CCDC152: variants seen among roughly 807,000 people sequenced by gnomAD.
CCDC152 encodes coiled-coil domain-containing protein 152.
CCDC152 carries 37 observed loss-of-function variants against 38.1 expected under a neutral mutation model. That is an observed-to-expected ratio of 0.97 (90% CI 0.75 to 1.28). The LOEUF is 1.28. Among genes scored for constraint, CCDC152 ranks in the 50% most tolerant of loss-of-function variants. The pLI, the probability that CCDC152 is intolerant of heterozygous loss-of-function variation, is 0.00. For missense variants in CCDC152, 259 were observed against 292.1 expected, an observed-to-expected ratio of 0.89 and a Z score of 0.83; for synonymous variants, 83 against 87.1, an observed-to-expected ratio of 0.95 and a Z score of 0.26.
At chr5:42,795,918 T>G (rs1020297479) in intron 6 of CCDC152, among the ~76,000 whole-genome samples, 19 of 151,402 alleles carry the variant, frequency 1.3e-4, no homozygotes, top group Non-Finnish European at 1.6e-4. Context: ...CCATAAAAAA[T>G]GATGAGTTCA....
chr5:42,760,963 G>A (rs928146991), intron 2 of CCDC152, among the ~76,000 whole-genome samples: 1 of 152,090 alleles, frequency 6.6e-6, no homozygotes, highest in African/African-American at 2.4e-5. Context: ...GGTGATGATG[G>A]TATTGTGGCC....
rs2910853 is a variant in CCDC152 at position 42,784,184 on chromosome 5, G to A, written c.430+608G>A. On this transcript the variant is annotated intron_variant, in intron 6 of 8. Coordinates refer to ENST00000361970, the MANE Select transcript of CCDC152 (RefSeq NM_001134848.2). ...AATCTTTGTAATGTTTTCCATAGGG[G>A]TGAAACTAATTTACATTCCCATTAA... Among the ~76,000 whole-genome samples the A allele has an allele frequency of 2.1e-3, 318 of 152,188 alleles. 2 individuals carry two copies. The highest frequency in any genetic ancestry group is 7.3e-3 in the African/African-American group (301 of 41,516).
intron 3 of CCDC152, among the ~76,000 whole-genome samples, chr5:42,769,164 A>C: frequency 6.6e-6 from 1 of 151,784 alleles, no homozygotes. Flanking sequence ...CAGGAGAATT[A>C]CTTGAGCCTG....
At position 42,798,832 on chromosome 5, in the gene CCDC152, C is replaced by A. The variant is rs28918071; in HGVS notation, c.559-543C>A. On this transcript the variant is annotated intron_variant, in intron 7 of 8. Coordinates refer to ENST00000361970, the MANE Select transcript of CCDC152 (RefSeq NM_001134848.2). ...GAATGGCCTATGAGAACTTTTTTAA[C>A]CTGATTCAGTTTAATTGAAACCAGC... 7.8e-3 allele frequency among the ~76,000 whole-genome samples: 1,186 copies of A among 152,126 alleles called. 17 individuals are homozygous for A. Among genetic ancestry groups the A allele is most frequent in the African/African-American group, 0.026 (1,075 of 41,496 alleles).
chr5:42,788,051 C>A (rs144575006), intron 6 of CCDC152, among the ~76,000 whole-genome samples: 1 of 152,108 alleles, frequency 6.6e-6, no homozygotes, highest in Non-Finnish European at 1.5e-5. Flanking sequence ...TGTACTTCTG[C>A]GTGCTTTTAT....
rs150384476 is a variant in CCDC152 at position 42,771,725 on chromosome 5, G to A, written c.262+2060G>A. Among the ~76,000 whole-genome samples, 660 of 152,196 alleles carry A rather than the reference G, an allele frequency of 4.3e-3. 3 individuals carry two copies. The highest frequency in any genetic ancestry group is 7.8e-3 in the Admixed American group (120 of 15,292). On this transcript the variant is annotated intron_variant, in intron 4 of 8. Coordinates refer to ENST00000361970, the MANE Select transcript of CCDC152 (RefSeq NM_001134848.2). Reference sequence around the variant, plus strand: ...ACCTGCCAAAACTGAGTCAGAAATAGTCGGAACACACCAATGACAAATAAG... The same window carrying A: ...ACCTGCCAAAACTGAGTCAGAAATAATCGGAACACACCAATGACAAATAAG...
chr5:42,796,168 C>G (rs1187550052), intron 6 of CCDC152, among the ~76,000 whole-genome samples: 35 of 151,354 alleles, frequency 2.3e-4, no homozygotes, highest in Admixed American at 2.2e-3. Flanking sequence ...GTGCAGCACA[C>G]CAGCATGGCA....
intron 6 of CCDC152, among the ~76,000 whole-genome samples, chr5:42,793,680 C>T (rs1760035606): frequency 6.6e-6 from 1 of 152,172 alleles, no homozygotes; most frequent in African/African-American, 2.4e-5. Context: ...GCCATCTCGG[C>T]TCACTGCAAC....
At chr5:42,789,487 T>C (rs1759969810) in intron 6 of CCDC152, among the ~76,000 whole-genome samples, 1 of 152,216 alleles carries the variant, frequency 6.6e-6, no homozygotes, top group Non-Finnish European at 1.5e-5. Context: ...CATGAGCCAC[T>C]GCACCTAGCC....
chr5:42,785,987 T>C (rs1157400768), intron 6 of CCDC152, among the ~76,000 whole-genome samples: 4 of 152,148 alleles, frequency 2.6e-5, no homozygotes, highest in Non-Finnish European at 4.4e-5. Context: ...TTGATCCTGA[T>C]GAATTATCTT....
At chr5:42,765,279 G>A (rs866677975) in intron 3 of CCDC152, among the ~76,000 whole-genome samples, 1 of 152,022 alleles carries the variant, frequency 6.6e-6, no homozygotes, top group South Asian at 2.1e-4. Context: ...ACCAAAAAAT[G>A]GAAAAATATT....
chr5:42,779,428 T>C, intron 4 of CCDC152, 30 bp from the exon 5 acceptor site: 1 of 1,244,568 alleles, frequency 8.0e-7, no homozygotes, highest in Non-Finnish European at 1.1e-6. Flanking sequence ...GTGCTATATA[T>C]TATGATGTTC....
In CCDC152 at chr5:42,780,159, G is replaced by A. The variant is rs144442198; in HGVS notation, c.327+637G>A. ...TTCCTCATCTCTCAAGAGCTAATAT[G>A]TCAAATTCTAGCAGACAAAAGATCC... On this transcript the variant is annotated intron_variant, in intron 5 of 8. Transcript: ENST00000361970. 2.5e-4 allele frequency among the ~76,000 whole-genome samples: 38 copies of A among 152,246 alleles called. No homozygotes were observed. In the East Asian group the frequency reaches 7.1e-3, roughly 29 times the overall value.
intron 6 of CCDC152, among the ~76,000 whole-genome samples, chr5:42,785,460 T>G (rs1035720716): frequency 2.0e-5 from 3 of 152,156 alleles, no homozygotes; most frequent in African/African-American, 7.2e-5. Flanking sequence ...ATCCTGAAAT[T>G]TTACTGAAGT....
At chr5:42,782,994 C>T (rs992759931) in intron 5 of CCDC152, among the ~76,000 whole-genome samples, 2 of 151,852 alleles carry the variant, frequency 1.3e-5, no homozygotes, top group East Asian at 1.9e-4. Flanking sequence ...CTCAGCCTCC[C>T]GAGTAGCTGG....
chr5:42,761,391 G>A (rs920898835), intron 2 of CCDC152, among the ~76,000 whole-genome samples: 10 of 152,218 alleles, frequency 6.6e-5, no homozygotes, highest in African/African-American at 2.4e-4. Context: ...AAGGCAGGTA[G>A]ATTGCCTGAG....
At chr5:42,786,927 G>A (rs1170999475) in intron 6 of CCDC152, among the ~76,000 whole-genome samples, 1 of 151,898 alleles carries the variant, frequency 6.6e-6, no homozygotes, top group South Asian at 2.1e-4. Flanking sequence ...CCAGGAGCAA[G>A]TTGTTTGGTT....
In CCDC152 at chr5:42,794,161, A is replaced by G. The variant is rs138853953; in HGVS notation, c.431-2668A>G. ...GATATAGGAACTGGTAGTAAAGTCT[A>G]TGAAAGGCTGTTGTCTCTCATCTAG... On this transcript the variant is annotated intron_variant, in intron 6 of 8. Transcript: ENST00000361970. 2.0e-3 allele frequency among the ~76,000 whole-genome samples: 298 copies of G among 152,354 alleles called. 1 individual carries two copies. The highest frequency in any genetic ancestry group is 0.014 in the Middle Eastern group (4 of 294).
At chr5:42,767,591 T>C (rs929829008) in intron 3 of CCDC152, among the ~76,000 whole-genome samples, 1 of 152,220 alleles carries the variant, frequency 6.6e-6, no homozygotes, top group African/African-American at 2.4e-5. Context: ...ACAGTGTGGA[T>C]TAAATTTTGC....
Sources: allele counts gnomAD v4.1 joint callset (sites outside exome capture counted in the v4.1 genomes callset), GRCh38; gene constraint gnomAD v4.1.1; transcripts MANE v1.5; gene names NCBI Gene and HGNC (gene_info 2026-07-23, HGNC 2026-07-21).